Variants in CACNA2D3 observed in about 807,000 individuals in gnomAD.
CACNA2D3 encodes voltage-dependent calcium channel subunit alpha-2/delta-3.
Under a neutral mutation model 160.6 loss-of-function variants are expected in CACNA2D3, and 60 were observed. The observed-to-expected ratio is 0.37, with a 90% CI of 0.30 to 0.46. CACNA2D3 has a LOEUF of 0.46. Among genes scored for constraint, CACNA2D3 ranks in the 20% least tolerant of loss-of-function variants. The pLI, the probability that CACNA2D3 is intolerant of heterozygous loss-of-function variation, is 1.00. For synonymous variants in CACNA2D3, 558 were observed against 492.9 expected (o/e 1.13, Z -1.75); for missense variants, 1,205 against 1,365.0 (o/e 0.88, Z 1.85).
intron 13 of CACNA2D3, among the ~76,000 whole-genome samples, chr3:54,811,969 T>C (rs1053873516): frequency 1.7e-4 from 26 of 152,224 alleles, no homozygotes; most frequent in Admixed American, 1.6e-3. Context: ...AGTAAGTTAA[T>C]ATAGGTAAAG....
chr3:54,688,497 A>G (rs1700510353), intron 11 of CACNA2D3, among the ~76,000 whole-genome samples: 1 of 151,978 alleles, frequency 6.6e-6, no homozygotes. Context: ...AAGGTAGATT[A>G]TTGAGTGAGG....
chr3:54,387,389 T>C (rs1185991378), intron 4 of CACNA2D3, among the ~76,000 whole-genome samples: 2 of 152,150 alleles, frequency 1.3e-5, no homozygotes, highest in Non-Finnish European at 2.9e-5. Context: ...TGGTGGCTCA[T>C]GCCTGTAATC....
chr3:55,057,416 G>A (rs1447597304), intron 35 of CACNA2D3, among the ~76,000 whole-genome samples: 2 of 152,014 alleles, frequency 1.3e-5, no homozygotes, highest in Non-Finnish European at 2.9e-5. Context: ...AAATTATAAG[G>A]TCAAGATTCC....
At position 54,160,725 on chromosome 3, in the gene CACNA2D3, CT is replaced by C. The variant is rs769406671; in HGVS notation, c.204+37133del. ...TTTCTTTCAGAAGTAAGCTGTGAGACTTCACGTTGTTTCAAGTTTTCTGTGC... is the reference window on the plus strand; with the variant it reads ...TTTCTTTCAGAAGTAAGCTGTGAGACTCACGTTGTTTCAAGTTTTCTGTGC... On this transcript the variant is annotated intron_variant, in intron 2 of 37. Coordinates refer to ENST00000474759, the MANE Select transcript of CACNA2D3 (RefSeq NM_018398.3). Among the ~76,000 whole-genome samples, 13 of 152,310 alleles carry C rather than the reference CT, an allele frequency of 8.5e-5. 1 individual carries two copies. The highest frequency in any genetic ancestry group is 6.8e-3 in the Middle Eastern group (2 of 294).
chr3:54,979,056 G>A (rs1559453519), intron 29 of CACNA2D3, among the ~76,000 whole-genome samples: 1 of 152,180 alleles, frequency 6.6e-6, no homozygotes, highest in Non-Finnish European at 1.5e-5. Context: ...TTGTTCCATA[G>A]AGGGAATCTC....
chr3:54,192,377 A>G (rs1287891316), intron 2 of CACNA2D3, among the ~76,000 whole-genome samples: 1 of 152,222 alleles, frequency 6.6e-6, no homozygotes, highest in Non-Finnish European at 1.5e-5. Flanking sequence ...TCACCATGCA[A>G]CATGCAGGTG....
chr3:54,812,708 T>C (rs1460528822), intron 13 of CACNA2D3, among the ~76,000 whole-genome samples: 1 of 152,190 alleles, frequency 6.6e-6, no homozygotes, highest in Non-Finnish European at 1.5e-5. Context: ...GCTGCTATTG[T>C]GTGGTCGTGT....
intron 35 of CACNA2D3, among the ~76,000 whole-genome samples, chr3:55,028,796 A>G (rs972175846): frequency 1.3e-5 from 2 of 152,100 alleles, no homozygotes; most frequent in Non-Finnish European, 2.9e-5. Flanking sequence ...AGTATCACTC[A>G]TCACTTCTCA....
chr3:54,837,617 C>G lies in CACNA2D3; in HGVS notation c.1470+387C>G, dbSNP rs142910383. Among the ~76,000 whole-genome samples, 233 of 152,256 alleles carry G rather than the reference C, an allele frequency of 1.5e-3. 1 individual carries two copies. Among genetic ancestry groups the G allele is most frequent in the African/African-American group, 5.4e-3 (223 of 41,560 alleles). On this transcript the variant is annotated intron_variant, in intron 15 of 37. Transcript: ENST00000474759. ...AATAGAAATTTCTTCTCTCACAGTT[C>G]TAGAGCCTGGAAGTCTGAAATCAAG... is the stretch of plus-strand genomic sequence containing the variant.
At position 54,380,720 on chromosome 3, in the gene CACNA2D3, CAAAAACA is replaced by C. The variant is rs1156922210; in HGVS notation, c.322-5982_322-5976del. Among the ~76,000 whole-genome samples, 3 of 121,616 alleles carry C rather than the reference CAAAAACA, an allele frequency of 2.5e-5. No homozygotes were observed. The East Asian group carries it at 7.7e-4, about 31-fold the overall frequency. The allele number at this position is 121,616 out of a possible 152,430, so 79.8% of individuals were successfully genotyped here. On this transcript the variant is annotated intron_variant, in intron 3 of 37. Transcript: ENST00000474759. ...TGGGCAATAGAGTGAGACTCCGTCT[CAAAAACA>C]AAAAACAAAAAAACAAAAAAACAAA...
chr3:54,745,161 C>CAG (rs1575453859), intron 11 of CACNA2D3, among the ~76,000 whole-genome samples: 2 of 152,130 alleles, frequency 1.3e-5, no homozygotes, highest in Non-Finnish European at 1.5e-5. Flanking sequence ...GATGAGTGGG[C>CAG]AGAGAGAGAG....
intron 2 of CACNA2D3, among the ~76,000 whole-genome samples, chr3:54,307,805 T>A (rs896326000): frequency 3.9e-5 from 6 of 152,178 alleles, no homozygotes; most frequent in Non-Finnish European, 5.9e-5. Flanking sequence ...ACATCTTGGA[T>A]ATAGAATTTA....
intron 24 of CACNA2D3, 56 bp downstream of exon 24, chr3:54,888,108 A>G (rs1395862399): frequency 3.1e-6 from 4 of 1,294,910 alleles, no homozygotes; most frequent in African/African-American, 1.5e-5. Context: ...ACACTCCGAA[A>G]TATGGTTATG....
intron 2 of CACNA2D3, among the ~76,000 whole-genome samples, chr3:54,309,107 A>T (rs1703673474): frequency 6.6e-6 from 1 of 152,226 alleles, no homozygotes; most frequent in Admixed American, 6.5e-5. Context: ...AAATATTCTC[A>T]TTTCAGAGCC....
chr3:54,353,327 T>C (rs1472373957), intron 3 of CACNA2D3, among the ~76,000 whole-genome samples: 2 of 152,214 alleles, frequency 1.3e-5, no homozygotes, highest in African/African-American at 4.8e-5. Context: ...TGTCTTCTTA[T>C]GGTTTGTATC....
At chr3:54,309,805 T>C (rs7626750) in intron 2 of CACNA2D3, among the ~76,000 whole-genome samples, 62,518 of 151,628 alleles carry the variant, frequency 0.41, 13,296 homozygotes, top group Middle Eastern at 0.56. Context: ...TCCATGCTTC[T>C]CAACCCCCTA....
intron 4 of CACNA2D3, among the ~76,000 whole-genome samples, chr3:54,490,036 C>T (rs985000513): frequency 2.6e-5 from 4 of 152,138 alleles, no homozygotes; most frequent in South Asian, 2.1e-4. Context: ...CACACATGCA[C>T]CGGGAGCTGG....
At chr3:54,524,686 G>C (rs1048657307) in intron 5 of CACNA2D3, among the ~76,000 whole-genome samples, 4 of 151,882 alleles carry the variant, frequency 2.6e-5, no homozygotes, top group African/African-American at 9.7e-5. Flanking sequence ...GTGTATATGT[G>C]TATAATTGTT....
chr3:54,723,830 G>A (rs1701223636), intron 11 of CACNA2D3, among the ~76,000 whole-genome samples: 1 of 152,174 alleles, frequency 6.6e-6, no homozygotes, highest in Non-Finnish European at 1.5e-5. Context: ...TTCCTATTCA[G>A]CCATCTTGCA....
Sources: allele counts gnomAD v4.1 joint callset (sites outside exome capture counted in the v4.1 genomes callset), GRCh38; gene constraint gnomAD v4.1.1; transcripts MANE v1.5; gene names NCBI Gene and HGNC (gene_info 2026-07-23, HGNC 2026-07-21).